Variants in FOXN3 observed in about 807,000 individuals in gnomAD.
FOXN3 encodes the protein forkhead box N3.
FOXN3 carries 7 observed loss-of-function variants against 38.4 expected under a neutral mutation model. That is an observed-to-expected ratio of 0.18 (90% CI 0.10 to 0.34). The LOEUF is 0.34. Ranked by LOEUF, FOXN3 falls within the 10% of genes least tolerant of loss-of-function variation. FOXN3 has a pLI of 1.00. For missense variants in FOXN3, 456 were observed against 613.4 expected (o/e 0.74, Z 2.71); for synonymous variants, 230 against 242.2 (o/e 0.95, Z 0.47).
At chr14:89,211,473 AG>A (rs751088995) in intron 4 of FOXN3, among the ~76,000 whole-genome samples, 1 of 152,224 alleles carries the variant, frequency 6.6e-6, no homozygotes, top group Non-Finnish European at 1.5e-5. Context: ...CCCAAACAAA[AG>A]CAGTTTCTGG....
intron 1 of FOXN3, among the ~76,000 whole-genome samples, chr14:89,429,357 C>T (rs1020498803): frequency 2.0e-5 from 3 of 152,182 alleles, no homozygotes; most frequent in Non-Finnish European, 4.4e-5. Context: ...CGGTCTAAAA[C>T]GCCTGGCACC....
intron 3 of FOXN3, chr14:89,290,639 C>A: frequency 2.1e-6 from 1 of 484,070 alleles, no homozygotes. Context: ...TTCCTTCCAA[C>A]TTGAACACGG....
intron 4 of FOXN3, among the ~76,000 whole-genome samples, chr14:89,193,900 T>C (rs188871142): frequency 1.3e-5 from 2 of 152,340 alleles, no homozygotes; most frequent in East Asian, 1.9e-4. Context: ...GGATATATAG[T>C]AATATTTCAC....
intron 1 of FOXN3, among the ~76,000 whole-genome samples, chr14:89,536,169 TG>T (rs1894681747): frequency 6.6e-6 from 1 of 152,174 alleles, no homozygotes; most frequent in South Asian, 2.1e-4. Flanking sequence ...TTGCCAGCAC[TG>T]TGTGGTGGCT....
At chr14:89,428,957 G>C (rs75281015) in intron 1 of FOXN3, among the ~76,000 whole-genome samples, 8 of 152,250 alleles carry the variant, frequency 5.3e-5, no homozygotes, top group Non-Finnish European at 1.2e-4. Context: ...CATGACATCC[G>C]TTCCAAAGAA....
At chr14:89,598,258 C>A (rs959117702) in intron 1 of FOXN3, among the ~76,000 whole-genome samples, 4 of 152,076 alleles carry the variant, frequency 2.6e-5, no homozygotes, top group Admixed American at 2.6e-4. Flanking sequence ...CTCCACAAAA[C>A]ATAATAATTA....
At chr14:89,363,604 A>G (rs1449008901) in intron 2 of FOXN3, among the ~76,000 whole-genome samples, 1 of 152,230 alleles carries the variant, frequency 6.6e-6, no homozygotes, top group African/African-American at 2.4e-5. Context: ...TTGGGCTTAA[A>G]TGGGATGATG....
intron 1 of FOXN3, among the ~76,000 whole-genome samples, chr14:89,567,494 GTA>G: frequency 7.1e-6 from 1 of 141,800 alleles, no homozygotes. Flanking sequence ...ACTGTACTAG[GTA>G]CAAAGTGGCA....
intron 1 of FOXN3, among the ~76,000 whole-genome samples, chr14:89,512,071 A>C (rs180670960): frequency 6.6e-6 from 1 of 152,284 alleles, no homozygotes; most frequent in East Asian, 1.9e-4. Context: ...CCTTAGAGGC[A>C]AAAAGGACAG....
chr14:89,284,475 A>G (rs11627932), intron 3 of FOXN3: 123,385 of 455,878 alleles, frequency 0.27, 18,390 homozygotes, highest in Admixed American at 0.38. Flanking sequence ...CTGATCTTCC[A>G]GCTTTCCTCT....
intron 1 of FOXN3, among the ~76,000 whole-genome samples, chr14:89,494,705 G>C (rs1001668805): frequency 6.6e-6 from 1 of 152,248 alleles, no homozygotes; most frequent in Admixed American, 6.5e-5. Flanking sequence ...TCCAAGCTAA[G>C]AGTTGTTCTC....
chr14:89,340,955 C>T (rs1020747696), intron 3 of FOXN3, among the ~76,000 whole-genome samples: 7 of 152,138 alleles, frequency 4.6e-5, no homozygotes, highest in African/African-American at 1.4e-4. Context: ...TGCTGGCTAA[C>T]AAAGCTATGC....
intron 1 of FOXN3, among the ~76,000 whole-genome samples, chr14:89,605,932 T>C (rs1169575801): frequency 6.6e-6 from 1 of 151,976 alleles, no homozygotes; most frequent in African/African-American, 2.4e-5. Context: ...CTGGGCAATA[T>C]AGCAAGACCC....
chr14:89,469,288 A>G (rs535606661), intron 1 of FOXN3, among the ~76,000 whole-genome samples: 3 of 152,216 alleles, frequency 2.0e-5, no homozygotes, highest in Admixed American at 2.0e-4. Context: ...CCATCGGCCA[A>G]TCCCTGCCTC....
At chr14:89,452,154 ACCCTGTGC>A (rs1892625980) in intron 1 of FOXN3, among the ~76,000 whole-genome samples, 1 of 152,098 alleles carries the variant, frequency 6.6e-6, no homozygotes, top group Non-Finnish European at 1.5e-5. Context: ...GAAAGCAGGG[ACCCTGTGC>A]CCCAGGATGT....
chr14:89,451,299 G>A (rs1044577804), intron 1 of FOXN3, among the ~76,000 whole-genome samples: 1 of 152,180 alleles, frequency 6.6e-6, no homozygotes, highest in Non-Finnish European at 1.5e-5. Context: ...CATCCAATGT[G>A]ACTGGTTACA....
chr14:89,360,257 G>A (rs770646480), intron 2 of FOXN3, among the ~76,000 whole-genome samples: 10 of 151,322 alleles, frequency 6.6e-5, no homozygotes, highest in Admixed American at 2.0e-4. Context: ...AAGGAGGAAG[G>A]AGAGAGGGAA....
intron 1 of FOXN3, among the ~76,000 whole-genome samples, chr14:89,426,333 TC>T (rs1266054850): frequency 3.1e-4 from 47 of 149,860 alleles, no homozygotes; most frequent in African/African-American, 1.1e-3. Flanking sequence ...CAAGTGATTA[TC>T]CCTGCCTCAG....
chr14:89,561,502 A>G (rs1275327118), intron 1 of FOXN3, among the ~76,000 whole-genome samples: 3 of 152,216 alleles, frequency 2.0e-5, no homozygotes, highest in African/African-American at 7.2e-5. Context: ...GTGAGCCACC[A>G]CGCTTGACGG....
Sources: allele counts gnomAD v4.1 joint callset (sites outside exome capture counted in the v4.1 genomes callset), GRCh38; gene constraint gnomAD v4.1.1; transcripts MANE v1.5; gene names NCBI Gene and HGNC (gene_info 2026-07-23, HGNC 2026-07-21).